Variants in FRMD4A observed in about 807,000 individuals in gnomAD.
FRMD4A encodes the protein FERM domain-containing protein 4A.
A neutral mutation model predicts 129.1 loss-of-function variants in FRMD4A; 29 were observed. That is an observed-to-expected ratio of 0.22 (90% CI 0.17 to 0.31). The LOEUF (loss-of-function observed/expected upper bound fraction) is 0.31, where lower values mean the gene tolerates loss of function less well. FRMD4A is among the 10% of genes least tolerant of loss of function. The pLI is 1.00. For synonymous variants in FRMD4A, 634 were observed against 571.6 expected, an observed-to-expected ratio of 1.11 and a Z score of -1.56; for missense variants, 1,272 against 1,375.8, an observed-to-expected ratio of 0.92 and a Z score of 1.19.
intron 3 of FRMD4A, among the ~76,000 whole-genome samples, chr10:13,839,944 C>A (rs1180468217): frequency 6.6e-6 from 1 of 152,194 alleles, no homozygotes; most frequent in Non-Finnish European, 1.5e-5. Flanking sequence ...AAAGCAGAGG[C>A]CCATCCCAGG....
intron 12 of FRMD4A, among the ~76,000 whole-genome samples, chr10:13,732,168 C>G (rs2090362807): frequency 6.6e-6 from 1 of 152,142 alleles, no homozygotes; most frequent in South Asian, 2.1e-4. Flanking sequence ...CCAAGAGCCT[C>G]TAAGCTCCAG....
intron 8 of FRMD4A, among the ~76,000 whole-genome samples, chr10:13,758,307 G>A (rs900872076): frequency 6.6e-6 from 1 of 152,152 alleles, no homozygotes; most frequent in African/African-American, 2.4e-5. Flanking sequence ...CTGGATTTTA[G>A]AAGATCTTTG....
intron 2 of FRMD4A, among the ~76,000 whole-genome samples, chr10:13,967,277 C>T (rs1364018384): frequency 1.3e-5 from 2 of 151,860 alleles, no homozygotes; most frequent in African/African-American, 4.8e-5. Context: ...GCGGAGCTTG[C>T]GGTGAGCTGA....
chr10:13,718,453 C>T lies in FRMD4A; in HGVS notation c.760-11340G>A, dbSNP rs143550367. Among the ~76,000 whole-genome samples the T allele has an allele frequency of 1.0e-3, 156 of 152,366 alleles. 1 individual carries two copies. In the East Asian group the frequency reaches 0.027, roughly 26 times the overall value. On this transcript the variant is annotated intron_variant, in intron 12 of 24. Coordinates refer to ENST00000357447, the MANE Select transcript of FRMD4A (RefSeq NM_018027.5). The stretch of plus-strand genomic sequence containing the variant: ...TTGACCCGAGACATGCAGGGGGCTG[C>T]GGCTGGGCCACGGTCTCTGCAGCTG...
chr10:14,013,166 C>T (rs1270644474), intron 2 of FRMD4A, among the ~76,000 whole-genome samples: 3 of 152,142 alleles, frequency 2.0e-5, no homozygotes, highest in African/African-American at 7.2e-5. Flanking sequence ...AGGCGAAATA[C>T]CACTTACATG....
chr10:14,014,055 G>A (rs972827779), intron 2 of FRMD4A, among the ~76,000 whole-genome samples: 9 of 152,172 alleles, frequency 5.9e-5, no homozygotes, highest in Non-Finnish European at 8.8e-5. Context: ...TGAAGACAGC[G>A]CAGTGAGTAT....
intron 2 of FRMD4A, among the ~76,000 whole-genome samples, chr10:14,310,326 T>TTA (rs1846502188): frequency 1.3e-5 from 2 of 152,226 alleles, no homozygotes; most frequent in Admixed American, 6.5e-5. Flanking sequence ...AGGCAACTAA[T>TTA]GATACAGGAG....
intron 2 of FRMD4A, among the ~76,000 whole-genome samples, chr10:14,303,070 C>T (rs1846237013): frequency 6.6e-6 from 1 of 152,196 alleles, no homozygotes. Flanking sequence ...AGCAGCAGAT[C>T]CTGGCCTCAG....
chr10:14,091,033 A>G (rs1281430575), intron 2 of FRMD4A, among the ~76,000 whole-genome samples: 1 of 152,198 alleles, frequency 6.6e-6, no homozygotes, highest in Non-Finnish European at 1.5e-5. Context: ...GGTCCCTGAC[A>G]GCATAGACCA....
At chr10:14,130,922 A>G (rs1839214392) in intron 2 of FRMD4A, among the ~76,000 whole-genome samples, 1 of 152,214 alleles carries the variant, frequency 6.6e-6, no homozygotes, top group African/African-American at 2.4e-5. Context: ...TTCAAATTGT[A>G]GCCCAAGTCA....
At chr10:14,003,066 C>G (rs1036801152) in intron 2 of FRMD4A, among the ~76,000 whole-genome samples, 1 of 152,090 alleles carries the variant, frequency 6.6e-6, no homozygotes, top group African/African-American at 2.4e-5. Flanking sequence ...ACGAGTGACA[C>G]AATCACCCCT....
chr10:14,053,882 G>T (rs1319610388), intron 2 of FRMD4A, among the ~76,000 whole-genome samples: 2 of 152,122 alleles, frequency 1.3e-5, no homozygotes, highest in African/African-American at 4.8e-5. Flanking sequence ...AAAACTAGTG[G>T]ATTGTGGTGG....
At chr10:13,858,768 CT>C in intron 3 of FRMD4A, 78 bp downstream of exon 3, 1 of 839,784 alleles carries the variant, frequency 1.2e-6, no homozygotes, top group Non-Finnish European at 2.1e-6. Context: ...CCAAATCCCC[CT>C]TCATCCCCAG....
At chr10:14,130,188 A>G (rs1839167543) in intron 2 of FRMD4A, among the ~76,000 whole-genome samples, 1 of 152,152 alleles carries the variant, frequency 6.6e-6, no homozygotes, top group African/African-American at 2.4e-5. Context: ...CCTCCATCAA[A>G]CCAGAGACTC....
At chr10:13,893,994 T>C (rs2094729932) in intron 2 of FRMD4A, among the ~76,000 whole-genome samples, 1 of 152,030 alleles carries the variant, frequency 6.6e-6, no homozygotes, top group African/African-American at 2.4e-5. Flanking sequence ...GCATGCTCCC[T>C]CCTCCTCCCC....
chr10:14,039,243 AT>A (rs1163469121), intron 2 of FRMD4A, among the ~76,000 whole-genome samples: 1 of 152,164 alleles, frequency 6.6e-6, no homozygotes, highest in African/African-American at 2.4e-5. Context: ...ATTTAATTAT[AT>A]CCTTTTGCTT....
At chr10:14,162,750 G>A (rs759753103) in intron 2 of FRMD4A, among the ~76,000 whole-genome samples, 1 of 148,040 alleles carries the variant, frequency 6.8e-6, no homozygotes, top group African/African-American at 2.5e-5. Flanking sequence ...GCTGGTTGCT[G>A]CAGGTACCAG....
chr10:13,740,457 A>G (rs2090921407), intron 10 of FRMD4A, 55 bp downstream of exon 10: 3 of 1,031,972 alleles, frequency 2.9e-6, no homozygotes, highest in African/African-American at 3.2e-5. Flanking sequence ...CTGACATACG[A>G]TATATTAACA....
intron 19 of FRMD4A, 84 bp from the exon 20 acceptor site, chr10:13,660,637 C>T (rs992883168): frequency 1.3e-6 from 1 of 798,908 alleles, no homozygotes; most frequent in Non-Finnish European, 2.1e-6. Flanking sequence ...CCTCCACCCG[C>T]ACCTTGGAGC....
Sources: allele counts gnomAD v4.1 joint callset (sites outside exome capture counted in the v4.1 genomes callset), GRCh38; gene constraint gnomAD v4.1.1; transcripts MANE v1.5; gene names NCBI Gene and HGNC (gene_info 2026-07-23, HGNC 2026-07-21).